The following CSMD1 variants were observed in gnomAD, a reference collection of about 807,000 sequenced individuals.
CSMD1 encodes CUB and Sushi multiple domains 1.
A neutral mutation model predicts 417.5 loss-of-function variants in CSMD1; 213 were observed. The observed-to-expected ratio is 0.51, with a 90% CI of 0.46 to 0.57. The LOEUF is 0.57. CSMD1 is among the 20% of genes least tolerant of loss of function. CSMD1 has a pLI of 0.00. For synonymous variants in CSMD1, 2,862 were observed against 1,736.8 expected (o/e 1.65, Z -16.11); for missense variants, 6,923 against 4,529.7 (o/e 1.53, Z -15.17).
intron 1 of CSMD1, among the ~76,000 whole-genome samples, chr8:4,895,349 G>A (rs867569692): frequency 6.6e-6 from 1 of 152,072 alleles, no homozygotes; most frequent in East Asian, 1.9e-4. Flanking sequence ...CTGGAGTAAT[G>A]TAAGTGTAAC....
intron 3 of CSMD1, among the ~76,000 whole-genome samples, chr8:4,177,950 C>T (rs1381419117): frequency 6.6e-6 from 1 of 152,072 alleles, no homozygotes; most frequent in Non-Finnish European, 1.5e-5. Flanking sequence ...AGCTTATCAA[C>T]CAAAAAGAGT....
chr8:4,892,261 CT>C (rs1695926904), intron 1 of CSMD1, among the ~76,000 whole-genome samples: 1 of 152,048 alleles, frequency 6.6e-6, no homozygotes, highest in Non-Finnish European at 1.5e-5. Context: ...GTAATACCAC[CT>C]GGGTAGCCAG....
chr8:4,891,398 T>C (rs183435039), intron 1 of CSMD1, among the ~76,000 whole-genome samples: 101 of 152,304 alleles, frequency 6.6e-4, no homozygotes, highest in Non-Finnish European at 6.9e-4. Flanking sequence ...TTGATCAGGT[T>C]GGTACATTGA....
chr8:3,006,990 T>A (rs1182058878), intron 52 of CSMD1, among the ~76,000 whole-genome samples: 1 of 144,052 alleles, frequency 6.9e-6, no homozygotes, highest in African/African-American at 2.9e-5. Context: ...ACGGGCAACC[T>A]ACAGAATGGG....
At chr8:4,886,039 G>A (rs1803717828) in intron 1 of CSMD1, among the ~76,000 whole-genome samples, 2 of 152,172 alleles carry the variant, frequency 1.3e-5, no homozygotes, top group South Asian at 4.1e-4. Flanking sequence ...TGTCCAGGCT[G>A]GACTGCAGTG....
chr8:4,696,784 G>C (rs754827162), intron 1 of CSMD1, among the ~76,000 whole-genome samples: 4 of 152,184 alleles, frequency 2.6e-5, no homozygotes, highest in Admixed American at 6.5e-5. Flanking sequence ...GACTGCATCA[G>C]TGAATGTATG....
chr8:4,700,640 A>G (rs561499337), intron 1 of CSMD1, among the ~76,000 whole-genome samples: 13 of 152,324 alleles, frequency 8.5e-5, no homozygotes, highest in African/African-American at 3.1e-4. Flanking sequence ...TCTATCACAA[A>G]AAATGAAAGT....
In CSMD1 at chr8:3,830,342, G is replaced by C. The variant is rs76296991; in HGVS notation, c.819-76300C>G. ...TCACTTGCCGAATGATTGGTCGTTG[G>C]TTCACATCTCTGCTCAGAGGTTGCT... On this transcript the variant is annotated intron_variant, in intron 5 of 69. Coordinates refer to ENST00000635120, the MANE Select transcript of CSMD1 (RefSeq NM_033225.6). Among the ~76,000 whole-genome samples the C allele has an allele frequency of 5.7e-3, 861 of 152,314 alleles. 10 individuals are homozygous for C. The highest frequency in any genetic ancestry group is 0.019 in the African/African-American group (776 of 41,572).
At chr8:4,125,393 T>A (rs1184503812) in intron 3 of CSMD1, among the ~76,000 whole-genome samples, 2 of 152,184 alleles carry the variant, frequency 1.3e-5, no homozygotes, top group Non-Finnish European at 2.9e-5. Flanking sequence ...GCTCCAGTTG[T>A]CCCACCTTTC....
intron 2 of CSMD1, among the ~76,000 whole-genome samples, chr8:4,628,604 G>T (rs1360864364): frequency 1.3e-5 from 1 of 78,848 alleles, no homozygotes; most frequent in African/African-American, 3.8e-5. Flanking sequence ...ACAGGAAAAA[G>T]AAAATGTTAA....
chr8:4,805,492 G>A (rs1024353572), intron 1 of CSMD1, among the ~76,000 whole-genome samples: 4 of 152,018 alleles, frequency 2.6e-5, no homozygotes, highest in African/African-American at 9.7e-5. Context: ...CGAGTGAAAC[G>A]CCACCACTCT....
chr8:4,444,346 C>CAAAAAA (rs112028005), intron 2 of CSMD1, among the ~76,000 whole-genome samples: 479 of 46,268 alleles, frequency 0.01, 104 homozygotes, highest in Non-Finnish European at 0.014. Flanking sequence ...GACTCCATCT[C>CAAAAAA]AAAAAAAAAA....
chr8:4,742,920 A>C (rs1810717500), intron 1 of CSMD1, among the ~76,000 whole-genome samples: 1 of 152,212 alleles, frequency 6.6e-6, no homozygotes, highest in South Asian at 2.1e-4. Context: ...TCTGAAAATA[A>C]ATTGTAAAAA....
At chr8:4,522,439 C>G (rs984758991) in intron 2 of CSMD1, among the ~76,000 whole-genome samples, 1 of 152,108 alleles carries the variant, frequency 6.6e-6, no homozygotes, top group Non-Finnish European at 1.5e-5. Context: ...ACAAATCTCA[C>G]CCACAATCAG....
In CSMD1 at chr8:3,318,738, T is replaced by C. The variant is rs556095221; in HGVS notation, c.3632-10235A>G. On this transcript the variant is annotated intron_variant, in intron 23 of 69. Coordinates refer to ENST00000635120, the MANE Select transcript of CSMD1 (RefSeq NM_033225.6). ...TCACAGGAGTTCCCTAGCTGGAGTG[T>C]CACGGTTCCTTCTGCAGGGTTTCTG... Among the ~76,000 whole-genome samples the C allele has an allele frequency of 3.9e-5, 6 of 152,210 alleles. 1 individual carries two copies. The East Asian group carries it at 1.2e-3, about 29-fold the overall frequency.
chr8:2,971,112 T>A (rs1439545499), intron 57 of CSMD1, among the ~76,000 whole-genome samples: 1 of 152,214 alleles, frequency 6.6e-6, no homozygotes, highest in East Asian at 1.9e-4. Context: ...TACATAACCA[T>A]AATACAATTA....
chr8:4,080,971 C>A (rs1361238800), intron 3 of CSMD1, among the ~76,000 whole-genome samples: 1 of 152,080 alleles, frequency 6.6e-6, no homozygotes, highest in South Asian at 2.1e-4. Flanking sequence ...AAATTAATGC[C>A]CTTATACAAG....
chr8:3,930,178 T>C (rs1305363800), intron 5 of CSMD1, among the ~76,000 whole-genome samples: 4 of 150,288 alleles, frequency 2.7e-5, no homozygotes, highest in East Asian at 2.0e-4. Flanking sequence ...ACATCAGTTA[T>C]ACTTGCCGTA....
At chr8:4,829,072 C>CT (rs1229021615) in intron 1 of CSMD1, among the ~76,000 whole-genome samples, 2 of 152,144 alleles carry the variant, frequency 1.3e-5, no homozygotes, top group African/African-American at 4.8e-5. Flanking sequence ...CCTTTCTCCA[C>CT]TAACATTTTG....
Sources: gnomAD v4.1 joint callset for allele counts (sites outside exome capture counted in the v4.1 genomes callset) on GRCh38, gnomAD v4.1.1 for gene constraint, MANE v1.5 for transcripts, NCBI Gene and HGNC (gene_info 2026-07-23, HGNC 2026-07-21) for gene names.